The following ZC3H12B variants were observed in gnomAD, a reference collection of about 807,000 sequenced individuals.
The protein encoded by ZC3H12B is zinc finger CCCH-type containing 12B, also known as probable ribonuclease ZC3H12B.
Under a neutral mutation model 43.9 loss-of-function variants are expected in ZC3H12B, and 7 were observed. The ratio of observed to expected loss-of-function variants is 0.16; its 90% CI spans 0.09 to 0.30. The LOEUF is 0.30. Among genes scored for constraint, ZC3H12B ranks in the 10% least tolerant of loss-of-function variants. The pLI is 1.00. For missense variants in ZC3H12B, 475 were observed against 670.2 expected (o/e 0.71, Z 3.22); for synonymous variants, 222 against 241.7 (o/e 0.92, Z 0.76).
the ZC3H12B span, among the ~76,000 whole-genome samples, chrX:65,212,435 ATAT>A: frequency 1.7e-5 from 1 of 59,902 alleles, no homozygotes; most frequent in Non-Finnish European, 2.6e-5. Context: ...TAATTATTAT[ATAT>A]TATATTATAT....
chrX:65,087,913 T>C, the ZC3H12B span, among the ~76,000 whole-genome samples: 1 of 112,432 alleles, frequency 8.9e-6, no homozygotes, highest in Non-Finnish European at 1.9e-5. Flanking sequence ...TAGTCAGTAA[T>C]TTTTAAAAGC....
At chrX:65,159,445 G>A in the ZC3H12B span, among the ~76,000 whole-genome samples, 7 of 111,543 alleles carry the variant, frequency 6.3e-5, no homozygotes, top group Non-Finnish European at 1.3e-4. Context: ...ATTTCATTGA[G>A]CAGTGGTCTG....
intron 3 of ZC3H12B, among the ~76,000 whole-genome samples, chrX:65,422,849 G>GA (rs2067035036): frequency 9.4e-6 from 1 of 105,840 alleles, no homozygotes; most frequent in African/African-American, 3.5e-5. Flanking sequence ...CCATGTCACT[G>GA]AAAAAACATA....
the ZC3H12B span, among the ~76,000 whole-genome samples, chrX:65,211,491 A>G: frequency 1.9e-5 from 2 of 106,209 alleles, no homozygotes; most frequent in African/African-American, 6.8e-5. Context: ...CTTCACAACA[A>G]CCTTATCAGT....
intron 3 of ZC3H12B, among the ~76,000 whole-genome samples, chrX:65,402,434 C>T (rs986279800): frequency 3.6e-5 from 4 of 111,630 alleles, no homozygotes; most frequent in Non-Finnish European, 7.5e-5. Context: ...GGCTTTGCCA[C>T]CTGGTGATTA....
the ZC3H12B span, among the ~76,000 whole-genome samples, chrX:65,254,962 C>T: frequency 9.0e-6 from 1 of 111,212 alleles, no homozygotes; most frequent in Non-Finnish European, 1.9e-5. Context: ...AGGAAAGAAT[C>T]TCAGCTTGAA....
At chrX:65,345,504 G>T in the ZC3H12B span, among the ~76,000 whole-genome samples, 1 of 111,113 alleles carries the variant, frequency 9.0e-6, no homozygotes, top group East Asian at 2.8e-4. Flanking sequence ...ATAACACACG[G>T]GCAAATAGAC....
upstream of ZC3H12B, among the ~76,000 whole-genome samples, chrX:65,363,563 C>T (rs2066132263): frequency 8.9e-6 from 1 of 111,833 alleles, no homozygotes; most frequent in Non-Finnish European, 1.9e-5. Context: ...TGTTTCCGTT[C>T]CTTGAAGACA....
the ZC3H12B span, among the ~76,000 whole-genome samples, chrX:65,339,439 T>C: frequency 1.8e-5 from 2 of 111,834 alleles, no homozygotes; most frequent in Admixed American, 1.9e-4. Context: ...ATCACAGACA[T>C]TTGAGTTGGC....
At chrX:65,054,944 T>G in the ZC3H12B span, among the ~76,000 whole-genome samples, 2 of 111,960 alleles carry the variant, frequency 1.8e-5, no homozygotes, top group African/African-American at 6.5e-5. Context: ...TTTTGTATCC[T>G]GAGACTGCTG....
the ZC3H12B span, among the ~76,000 whole-genome samples, chrX:65,182,721 CA>C: frequency 4.0e-4 from 36 of 89,071 alleles, no homozygotes; most frequent in Admixed American, 9.9e-4. Context: ...GTTTCACAAA[CA>C]AAAAAAAAAA....
At chrX:65,336,897 A>G in the ZC3H12B span, among the ~76,000 whole-genome samples, 2 of 112,189 alleles carry the variant, frequency 1.8e-5, no homozygotes, top group Non-Finnish European at 3.8e-5. Context: ...ATCAGCAAAG[A>G]CTGCAAGGCA....
intron 3 of ZC3H12B, among the ~76,000 whole-genome samples, chrX:65,458,062 TAAAAAAAAAAAAAAAAAAAAATTA>T (rs2067658476): frequency 6.3e-5 from 1 of 15,872 alleles, no homozygotes; most frequent in African/African-American, 2.4e-4. Context: ...GAATGATCAA[TAAAAAAAAAAAAAAAAAAAAATTA>T]AAAAAAAAAA....
intron 2 of ZC3H12B, among the ~76,000 whole-genome samples, chrX:65,373,613 C>G (rs2066277931): frequency 9.4e-6 from 1 of 105,871 alleles, no homozygotes; most frequent in South Asian, 4.3e-4. Flanking sequence ...AAGCTGGAAA[C>G]CATCATTCTC....
At chrX:65,229,820 C>G in the ZC3H12B span, among the ~76,000 whole-genome samples, 4 of 108,411 alleles carry the variant, frequency 3.7e-5, no homozygotes, top group Admixed American at 4.0e-4. Flanking sequence ...AAATGCAAAT[C>G]AAAACCACAA....
chrX:65,163,617 G>A, the ZC3H12B span, among the ~76,000 whole-genome samples: 26 of 111,905 alleles, frequency 2.3e-4, no homozygotes, highest in Non-Finnish European at 4.1e-4. Context: ...TTTTAAGCCC[G>A]TCAGAAAAGC....
chrX:65,339,814 A>G, the ZC3H12B span, among the ~76,000 whole-genome samples: 1 of 111,606 alleles, frequency 9.0e-6, no homozygotes, highest in Non-Finnish European at 1.9e-5. Flanking sequence ...GATCACACAC[A>G]AGCCCACCCA....
At chrX:65,038,259 G>A in the ZC3H12B span, among the ~76,000 whole-genome samples, 1 of 110,352 alleles carries the variant, frequency 9.1e-6, no homozygotes, top group East Asian at 2.8e-4. Context: ...CCTTTTTTTT[G>A]GTATCTTTTG....
chrX:65,351,843 A>T, the ZC3H12B span, among the ~76,000 whole-genome samples: 1 of 112,477 alleles, frequency 8.9e-6, no homozygotes, highest in African/African-American at 3.2e-5. Context: ...ATGTGGAGAA[A>T]TAGGAACACT....
Sources: allele counts gnomAD v4.1 joint callset (sites outside exome capture counted in the v4.1 genomes callset), GRCh38; gene constraint gnomAD v4.1.1; transcripts MANE v1.5; gene names NCBI Gene and HGNC (gene_info 2026-07-23, HGNC 2026-07-21).